The following EPB41L2 variants were observed in gnomAD, a reference collection of about 807,000 sequenced individuals.
EPB41L2 encodes the protein erythrocyte membrane protein band 4.1 like 2.
EPB41L2 carries 43 observed loss-of-function variants against 113.0 expected under a neutral mutation model. The observed-to-expected ratio is 0.38, with a 90% CI of 0.30 to 0.49. The LOEUF is 0.49. Among genes scored for constraint, EPB41L2 ranks in the 20% least tolerant of loss-of-function variants. EPB41L2 has a pLI of 0.95. For missense variants in EPB41L2, 1,147 were observed against 1,223.4 expected (o/e 0.94, Z 0.93); for synonymous variants, 442 against 436.7 (o/e 1.01, Z -0.15).
intron 1 of EPB41L2, among the ~76,000 whole-genome samples, chr6:130,985,736 T>G (rs1780400772): frequency 6.6e-6 from 1 of 152,040 alleles, no homozygotes; most frequent in South Asian, 2.1e-4. Context: ...CTAGAAAGAG[T>G]GCTGAGGGCT....
intron 10 of EPB41L2, among the ~76,000 whole-genome samples, chr6:130,890,703 T>A (rs954546491): frequency 2.6e-5 from 4 of 152,184 alleles, no homozygotes; most frequent in Non-Finnish European, 5.9e-5. Context: ...CTTCTCCACC[T>A]AAGCAAAGAA....
At chr6:130,981,135 C>T (rs976076880) in intron 1 of EPB41L2, among the ~76,000 whole-genome samples, 7 of 151,720 alleles carry the variant, frequency 4.6e-5, no homozygotes, top group African/African-American at 9.7e-5. Context: ...TAAAACAGGC[C>T]GAACAATTTT....
chr6:130,947,567 T>C (rs779526427), intron 3 of EPB41L2, among the ~76,000 whole-genome samples: 1 of 152,140 alleles, frequency 6.6e-6, no homozygotes, highest in Non-Finnish European at 1.5e-5. Context: ...ATAGCTACAG[T>C]TTCCCATATC....
At chr6:131,058,053 T>A (rs1297954176) in intron 1 of EPB41L2, among the ~76,000 whole-genome samples, 2 of 152,198 alleles carry the variant, frequency 1.3e-5, no homozygotes, top group African/African-American at 4.8e-5. Context: ...TCCAGATTAT[T>A]TGGGAGACAA....
intron 1 of EPB41L2, among the ~76,000 whole-genome samples, chr6:130,997,164 G>C (rs891203170): frequency 1.3e-5 from 2 of 152,140 alleles, no homozygotes; most frequent in East Asian, 3.9e-4. Flanking sequence ...AGTTAGATTT[G>C]AACTGGATTT....
chr6:130,946,893 G>A (rs1032026171), intron 3 of EPB41L2, among the ~76,000 whole-genome samples: 6 of 151,860 alleles, frequency 4.0e-5, no homozygotes, highest in African/African-American at 1.2e-4. Flanking sequence ...GTTGACCAAA[G>A]GTACTGATAG....
chr6:130,894,471 T>A (rs752531168), intron 9 of EPB41L2, 30 bp from the exon 10 acceptor site: 33 of 1,593,936 alleles, frequency 2.1e-5, no homozygotes, highest in Non-Finnish European at 2.8e-5. Flanking sequence ...CAAATCAGCA[T>A]ATTTCCTTAA....
chr6:131,050,100 A>C (rs947846954), intron 1 of EPB41L2, among the ~76,000 whole-genome samples: 1 of 152,154 alleles, frequency 6.6e-6, no homozygotes, highest in Non-Finnish European at 1.5e-5. Context: ...GCACTTTGGG[A>C]GGTCAAGGAG....
intron 1 of EPB41L2, among the ~76,000 whole-genome samples, chr6:130,965,760 A>G (rs1774974658): frequency 6.6e-6 from 1 of 152,206 alleles, no homozygotes; most frequent in East Asian, 1.9e-4. Flanking sequence ...GGAGACATCC[A>G]AAAGTTTAAT....
chr6:130,954,036 CTTTCTTTTTTTTTT>C (rs1191486492), intron 3 of EPB41L2, among the ~76,000 whole-genome samples: 3 of 45,522 alleles, frequency 6.6e-5, no homozygotes, highest in African/African-American at 1.7e-4. Flanking sequence ...TAGTCCTTTT[CTTTCTTTTTTTTTT>C]TTTTTTTTTT....
intron 1 of EPB41L2, among the ~76,000 whole-genome samples, chr6:131,041,943 T>C (rs1794531364): frequency 6.6e-6 from 1 of 152,194 alleles, no homozygotes; most frequent in Admixed American, 6.5e-5. Flanking sequence ...GTAACAACAG[T>C]ATTGTGGTTT....
At chr6:131,042,324 C>CA (rs1172253029) in intron 1 of EPB41L2, among the ~76,000 whole-genome samples, 1 of 151,866 alleles carries the variant, frequency 6.6e-6, no homozygotes, top group East Asian at 1.9e-4. Context: ...CTAGCATTAA[C>CA]AAAAGAAAGA....
intron 3 of EPB41L2, among the ~76,000 whole-genome samples, chr6:130,936,798 T>C (rs577764987): frequency 1.3e-4 from 20 of 152,318 alleles, no homozygotes; most frequent in Admixed American, 1.1e-3. Context: ...ATCGATTAGT[T>C]AGCAAACAGC....
chr6:130,894,305 C>CGATCATGCCCGGCTTCCGA, intron 10 of EPB41L2, 39 bp downstream of exon 10: 1 of 1,538,514 alleles, frequency 6.5e-7, no homozygotes. Flanking sequence ...CAGGCATGTG[C>CGATCATGCCCGGCTTCCGA]GATCATGCCC....
At chr6:130,872,436 C>T (rs1328387871) in intron 14 of EPB41L2, 2 of 1,289,344 alleles carry the variant, frequency 1.6e-6, no homozygotes, top group Non-Finnish European at 2.0e-6. Flanking sequence ...CTCACAACAG[C>T]GCCCTCTGCT....
intron 14 of EPB41L2, among the ~76,000 whole-genome samples, chr6:130,873,841 G>A (rs1786577781): frequency 6.6e-6 from 1 of 152,138 alleles, no homozygotes; most frequent in Admixed American, 6.5e-5. Context: ...AGAAGGGTGA[G>A]GAGCGCAGAA....
chr6:131,015,833 T>C lies in EPB41L2; in HGVS notation c.-15+47322A>G, dbSNP rs757794685. On this transcript the variant is annotated intron_variant, in intron 1 of 19. Coordinates refer to ENST00000337057, the MANE Select transcript of EPB41L2 (RefSeq NM_001431.4). ...GATGTACTTACTGCCAAATAGGCTA[T>C]GTCTGCATCTGTAATTTGCACACAG... 5.3e-5 allele frequency: 8 copies of C among 152,250 alleles called. No individual in the cohort carries two copies. In the East Asian group the frequency reaches 5.8e-4, roughly 11 times the overall value. 9.4% of individuals were successfully genotyped at this position (152,250 alleles called of 1,614,324 possible). A position where few individuals can be genotyped will look rare whatever the true frequency, so the allele number is the denominator to read the frequency against.
chr6:130,866,069 G>A (rs144543242), intron 16 of EPB41L2, among the ~76,000 whole-genome samples: 3 of 152,176 alleles, frequency 2.0e-5, no homozygotes, highest in Non-Finnish European at 4.4e-5. Context: ...AACAGAACCT[G>A]ACCAGGACAA....
chr6:130,957,630 TA>T (rs35062229), intron 1 of EPB41L2, among the ~76,000 whole-genome samples: 68,888 of 146,754 alleles, frequency 0.47, 17,333 homozygotes, highest in East Asian at 0.92. Flanking sequence ...CCCCATCTCT[TA>T]AAAAAAAAAA....
Sources: allele counts gnomAD v4.1 joint callset (sites outside exome capture counted in the v4.1 genomes callset), GRCh38; gene constraint gnomAD v4.1.1; transcripts MANE v1.5; gene names NCBI Gene and HGNC (gene_info 2026-07-23, HGNC 2026-07-21).